Variants in REG3A observed in about 807,000 individuals in gnomAD.
REG3A encodes regenerating islet-derived protein 3-alpha.
In REG3A, 15 loss-of-function variants were observed where a neutral mutation model predicts 20.5. The observed-to-expected ratio is 0.73, with a 90% CI of 0.49 to 1.12. The LOEUF (loss-of-function observed/expected upper bound fraction) is 1.12. REG3A is among the 50% of genes most tolerant of loss of function. The probability of loss-of-function intolerance (pLI) is 0.00; values close to 1 mark genes in which losing one functional copy is unlikely to be tolerated. For missense variants in REG3A, 224 were observed against 213.1 expected, an observed-to-expected ratio of 1.05 and a Z score of -0.32; for synonymous variants, 93 against 83.2, an observed-to-expected ratio of 1.12 and a Z score of -0.64.
At position 79,159,382 on chromosome 2, in the gene REG3A, G is replaced by GGGCAGGGCCATGGGA. The variant is rs1673394527; in HGVS notation, c.9_23dup (p.Pro4_Pro8dup). ...AGGAAAGCAGCATCCAAGATACACT[G>GGGCAGGGCCATGGGA]GGCAGGGCCATGGGAGGCAGCATAG... On this transcript the variant is annotated inframe_insertion, in exon 2 of 6. Coordinates refer to ENST00000305165, the MANE Select transcript of REG3A (RefSeq NM_002580.3). 1 of 1,613,936 alleles carries GGGCAGGGCCATGGGA rather than the reference G, an allele frequency of 6.2e-7. No individual in the cohort carries two copies. The highest frequency in any genetic ancestry group is 8.5e-7 in the Non-Finnish European group (1 of 1,179,974).
intron 5 of REG3A, 70 bp downstream of exon 5, chr2:79,157,502 T>C: frequency 2.5e-6 from 4 of 1,585,864 alleles, no homozygotes; most frequent in Non-Finnish European, 3.4e-6. Flanking sequence ...GAAGATTTCC[T>C]GAAGGTCAGA....
In REG3A at chr2:79,158,307, G is replaced by C. The variant is rs764507577; in HGVS notation, c.333+19C>G. The C allele has an allele frequency of 1.9e-6, 3 of 1,610,926 alleles. No homozygotes were observed. The highest frequency in any genetic ancestry group is 2.2e-5 in the East Asian group (1 of 44,854). Reference sequence around the variant, plus strand: ...ATAGCACCTTGAGAGGTAACAGAGAGGGGAGGATATACTGGCACCTGTGTG... The same window carrying C: ...ATAGCACCTTGAGAGGTAACAGAGACGGGAGGATATACTGGCACCTGTGTG... On this transcript the variant is annotated intron_variant, in intron 4 of 5. Coordinates refer to ENST00000305165, the MANE Select transcript of REG3A (RefSeq NM_002580.3).
rs544928626 is a variant in REG3A at position 79,157,886 on chromosome 2, A to G, written c.334-188T>C. On this transcript the variant is annotated intron_variant, in intron 4 of 5. Transcript: ENST00000305165. Reference sequence around the variant, plus strand: ...GCTATTGGAAAATTCCAGCCAATAAACATAAGACCTTTGGAACAACTCAAG... The same window carrying G: ...GCTATTGGAAAATTCCAGCCAATAAGCATAAGACCTTTGGAACAACTCAAG... Among the ~76,000 whole-genome samples the G allele has an allele frequency of 1.4e-3, 209 of 152,286 alleles. 2 individuals are homozygous for G. The highest frequency in any genetic ancestry group is 4.9e-3 in the African/African-American group (203 of 41,548).
rs1166693227 is a variant in REG3A at position 79,158,902 on chromosome 2, T to C, written c.77-133A>G. Reference sequence around the variant, plus strand: ...TGACACCCCTTCATCTTCCCTTATGTTTTCAGAAATTCTTTATCTCAAAAT... The same window carrying C: ...TGACACCCCTTCATCTTCCCTTATGCTTTCAGAAATTCTTTATCTCAAAAT... On this transcript the variant is annotated intron_variant, in intron 2 of 5. Coordinates refer to ENST00000305165, the MANE Select transcript of REG3A (RefSeq NM_002580.3). The C allele has an allele frequency of 8.9e-6, 6 of 671,724 alleles. No homozygotes were observed. The East Asian group carries it at 1.4e-4, about 15-fold the overall frequency. 41.6% of individuals were successfully genotyped at this position (671,724 alleles called of 1,614,324 possible).
At chr2:79,158,858 G>A in intron 2 of REG3A, 89 bp from the exon 3 acceptor site, 1 of 1,011,030 alleles carries the variant, frequency 9.9e-7, no homozygotes. Flanking sequence ...AATGTCCTTG[G>A]GGAGGAAGAC....
In REG3A at chr2:79,159,397, A is replaced by C; in HGVS notation, c.9T>G (p.Pro3=). 6.2e-7 allele frequency: 1 copy of C among 1,613,704 alleles called. No homozygotes were observed. The highest frequency in any genetic ancestry group is 8.5e-7 in the Non-Finnish European group (1 of 1,179,922). Reference sequence around the variant, plus strand: ...AAGATACACTGGGCAGGGCCATGGGAGGCAGCATAGTGTCTGCGACTTGAG... The same window carrying C: ...AAGATACACTGGGCAGGGCCATGGGCGGCAGCATAGTGTCTGCGACTTGAG... ML[P]PMALPSVSWM... The change falls in exon 2 of 6, where the codon CCT becomes CCG. Residue 3 remains proline (P), a synonymous_variant. Coordinates refer to ENST00000305165, the MANE Select transcript of REG3A (RefSeq NM_002580.3).
chr2:79,159,578 T>G lies in REG3A; in HGVS notation c.-34-139A>C, dbSNP rs555563988. On this transcript the variant is annotated intron_variant, in intron 1 of 5. Transcript: ENST00000305165. ...CAGTTCTGAATGAGTTGTGAATCTG[T>G]GTACTCTCCCATCCCCGAGCCCTCC... 54 of 656,614 alleles carry G rather than the reference T, an allele frequency of 8.2e-5. No individual in the cohort carries two copies. The East Asian group carries it at 1.4e-3, about 18-fold the overall frequency. 40.7% of individuals were successfully genotyped at this position (656,614 alleles called of 1,614,324 possible). A position where few individuals can be genotyped will look rare whatever the true frequency, so the allele number is the denominator to read the frequency against.
intron 1 of REG3A, 36 bp downstream of exon 1, chr2:79,159,692 C>T (rs1673405030): frequency 2.7e-6 from 1 of 365,002 alleles, no homozygotes; most frequent in Admixed American, 3.7e-5. Context: ...GCAGTAGCTC[C>T]TCCCTGGGTC....
chr2:79,157,139 T>C lies in REG3A; in HGVS notation c.*87A>G. The stretch of plus-strand genomic sequence containing the variant: ...GGTCAGGTTGGGGGAATTAAGCGAA[T>C]ATTCTCTTCCAGGGTGAGTCCTCAC... On this transcript the variant is annotated 3_prime_UTR_variant, in exon 6 of 6. Coordinates refer to ENST00000305165, the MANE Select transcript of REG3A (RefSeq NM_002580.3). 2.0e-6 allele frequency: 2 copies of C among 1,024,184 alleles called. No individual in the cohort carries two copies. The highest frequency in any genetic ancestry group is 3.1e-6 in the Non-Finnish European group (2 of 648,076). The allele number at this position is 1,024,184 out of a possible 1,614,324, so 63.4% of individuals were successfully genotyped here.
In REG3A at chr2:79,158,386, C is replaced by G. The variant is rs1247429119; in HGVS notation, c.273G>C (p.Leu91=). 6.2e-7 allele frequency: 1 copy of G among 1,614,116 alleles called. No homozygotes were observed. ...AGTAGCTGTTACCAATGCTCTTCACCAGGGAGGACACGAAGGATCCCTCAG... is the reference window on the plus strand; with the variant it reads ...AGTAGCTGTTACCAATGCTCTTCACGAGGGAGGACACGAAGGATCCCTCAG... ...SGAEGSFVSS[L]VKSIGNSYSY... is the part of the protein sequence containing the mutation. The change falls in exon 4 of 6, where the codon CTG becomes CTC. Residue 91 remains leucine (L), a synonymous_variant. Coordinates refer to ENST00000305165, the MANE Select transcript of REG3A (RefSeq NM_002580.3).
At chr2:79,158,794 G>T (rs758481517) in intron 2 of REG3A, 25 bp from the exon 3 acceptor site, 279 of 1,591,512 alleles carry the variant, frequency 1.8e-4, no homozygotes, top group Non-Finnish European at 2.4e-4. Context: ...GAGGGGGGAG[G>T]GTAAAATGAA....
chr2:79,158,431 C>T lies in REG3A; in HGVS notation c.228G>A (p.Leu76=). ...LACQKRPSGN[L]VSVLSGAEGS... ...CCTCAGCCCCACTGAGCACAGACAC[C>T]AGGTTTCCAGAGGGCCGCTTCTGGC... The change falls in exon 4 of 6, where the codon CTG becomes CTA. Residue 76 remains leucine (L), a synonymous_variant. Coordinates refer to ENST00000305165, the MANE Select transcript of REG3A (RefSeq NM_002580.3). 1 of 1,614,144 alleles carries T rather than the reference C, an allele frequency of 6.2e-7. No individual in the cohort carries two copies. The highest frequency in any genetic ancestry group is 1.1e-5 in the South Asian group (1 of 91,080).
At chr2:79,159,606 G>A (rs1673402685) in intron 1 of REG3A, 122 bp downstream of exon 1, 1 of 581,444 alleles carries the variant, frequency 1.7e-6, no homozygotes, top group Admixed American at 2.9e-5. Context: ...AGCCCTCCCA[G>A]GACACCCTTG....
At chr2:79,158,284 A>G (rs759671401) in intron 4 of REG3A, 42 bp downstream of exon 4, 7 of 1,598,294 alleles carry the variant, frequency 4.4e-6, no homozygotes, top group Non-Finnish European at 6.0e-6. Flanking sequence ...GGGCAACAAT[A>G]GCACCTTGAG....
Position 79,159,370 on chromosome 2 carries a change from C to T in REG3A, c.36G>A (p.Trp12Ter). The T allele has an allele frequency of 6.2e-7, 1 of 1,613,880 alleles. No homozygotes were observed. Among genetic ancestry groups the T allele is most frequent in the Non-Finnish European group, 8.5e-7 (1 of 1,179,982 alleles). Residue 12 changes from tryptophan to a stop codon, truncating the protein, a stop_gained, in exon 2 of 6, where the codon TGG becomes TGA. Transcript: ENST00000305165. LOFTEE classifies it high-confidence loss of function. ...GCAGCATGAGGCAGGAAAGCAGCAT[C>T]CAAGATACACTGGGCAGGGCCATGG... ...LPPMALPSVS[W>*]MLLSCLMLLS...
intron 1 of REG3A, 124 bp downstream of exon 1, chr2:79,159,604 C>T: frequency 1.7e-6 from 1 of 587,268 alleles, no homozygotes; most frequent in Non-Finnish European, 3.0e-6. Flanking sequence ...CGAGCCCTCC[C>T]AGGACACCCT....
At chr2:79,157,468 C>A (rs1459499471) in intron 5 of REG3A, 104 bp downstream of exon 5, 1 of 1,522,850 alleles carries the variant, frequency 6.6e-7, no homozygotes, top group Non-Finnish European at 9.0e-7. Flanking sequence ...AGAAGACACA[C>A]TAACATTGTA....
chr2:79,158,395 C>T lies in REG3A; in HGVS notation c.264G>A (p.Val88=). The T allele has an allele frequency of 6.2e-7, 1 of 1,614,160 alleles. No individual in the cohort carries two copies. Among genetic ancestry groups the T allele is most frequent in the Non-Finnish European group, 8.5e-7 (1 of 1,180,026 alleles). The change falls in exon 4 of 6, where the codon GTG becomes GTA. Residue 88 remains valine, a synonymous_variant. Transcript: ENST00000305165. ...SVLSGAEGSF[V]SSLVKSIGNS... ...TACCAATGCTCTTCACCAGGGAGGA[C>T]ACGAAGGATCCCTCAGCCCCACTGA...
In REG3A at chr2:79,158,786, G is replaced by C. The variant is rs779485360; in HGVS notation, c.77-17C>G. On this transcript the variant is annotated splice_polypyrimidine_tract_variant and intron_variant, in intron 2 of 5. Coordinates refer to ENST00000305165, the MANE Select transcript of REG3A (RefSeq NM_002580.3). ...GTTCTTCACCTGAGGTGGAAGAAGA[G>C]GGGGGAGGGTAAAATGAAGAGTGGG... 4.4e-6 allele frequency: 7 copies of C among 1,598,870 alleles called. No individual in the cohort carries two copies. Among genetic ancestry groups the C allele is most frequent in the South Asian group, 3.3e-5 (3 of 90,498 alleles).
Sources: allele counts gnomAD v4.1 joint callset (sites outside exome capture counted in the v4.1 genomes callset), GRCh38; gene constraint gnomAD v4.1.1; transcripts MANE v1.5; gene names NCBI Gene and HGNC (gene_info 2026-07-23, HGNC 2026-07-21).